The following RAB3C variants were observed in gnomAD, a reference collection of about 807,000 sequenced individuals.
RAB3C encodes the protein RAB3C, member RAS oncogene family.
In RAB3C, 17 loss-of-function variants were observed where a neutral mutation model predicts 26.4. That is an observed-to-expected ratio of 0.64 (90% CI 0.44 to 0.97). The LOEUF (loss-of-function observed/expected upper bound fraction) is 0.97. RAB3C is among the 50% of genes least tolerant of loss of function. RAB3C has a pLI of 0.00. For synonymous variants in RAB3C, 91 were observed against 95.9 expected (o/e 0.95, Z 0.30); for missense variants, 242 against 281.9 (o/e 0.86, Z 1.01).
At chr5:58,841,480 T>C (rs190151435) in intron 4 of RAB3C, among the ~76,000 whole-genome samples, 92 of 151,766 alleles carry the variant, frequency 6.1e-4, no homozygotes, top group Admixed American at 1.6e-3. Flanking sequence ...CAGAGAAGGG[T>C]GGACCCCAGA....
At chr5:58,726,236 C>G in intron 3 of RAB3C, 116 bp downstream of exon 3, 1 of 529,912 alleles carries the variant, frequency 1.9e-6, no homozygotes, top group Non-Finnish European at 3.4e-6. Context: ...CATTACACTA[C>G]AATCCCGCTT....
intron 1 of RAB3C, among the ~76,000 whole-genome samples, chr5:58,595,545 G>GAAC (rs1473116897): frequency 6.6e-6 from 1 of 152,038 alleles, no homozygotes; most frequent in African/African-American, 2.4e-5. Context: ...TATGTGTCCT[G>GAAC]GCTTCCATAT....
intron 4 of RAB3C, among the ~76,000 whole-genome samples, chr5:58,842,650 G>A (rs1579949206): frequency 6.6e-6 from 1 of 152,278 alleles, no homozygotes; most frequent in African/African-American, 2.4e-5. Context: ...CTCATCCTCT[G>A]CCTTGAGAGT....
chr5:58,733,788 A>G (rs1310073303), intron 3 of RAB3C, among the ~76,000 whole-genome samples: 1 of 152,212 alleles, frequency 6.6e-6, no homozygotes, highest in Admixed American at 6.5e-5. Context: ...CATGACCTCA[A>G]GTACCTGGCC....
chr5:58,818,004 T>A (rs527955524), intron 3 of RAB3C, among the ~76,000 whole-genome samples: 2 of 152,310 alleles, frequency 1.3e-5, no homozygotes, highest in East Asian at 3.9e-4. Context: ...GCTATTAAGA[T>A]CTGTTCGAGC....
At position 58,710,507 on chromosome 5, in the gene RAB3C, G is replaced by A. The variant is rs933549600; in HGVS notation, c.253-15495G>A. ...TCAGCTACTCAAGAGGCTGAGGCAG[G>A]AGAATTGCCTGAGTCTGGGAGGCGG... On this transcript the variant is annotated intron_variant, in intron 2 of 4. Coordinates refer to ENST00000282878, the MANE Select transcript of RAB3C (RefSeq NM_138453.4). Among the ~76,000 whole-genome samples the A allele has an allele frequency of 2.0e-5, 3 of 152,028 alleles. No homozygotes were observed. In the South Asian group the frequency reaches 6.2e-4, roughly 32 times the overall value.
intron 2 of RAB3C, among the ~76,000 whole-genome samples, chr5:58,682,283 A>C (rs1748360540): frequency 6.6e-6 from 1 of 152,030 alleles, no homozygotes; most frequent in Non-Finnish European, 1.5e-5. Flanking sequence ...AGTAAGGTCG[A>C]CTCTTATTCA....
chr5:58,718,199 C>G (rs1056981277), intron 2 of RAB3C, among the ~76,000 whole-genome samples: 1 of 151,978 alleles, frequency 6.6e-6, no homozygotes, highest in Non-Finnish European at 1.5e-5. Context: ...AGAAGGAAAG[C>G]AAAAATGATG....
chr5:58,689,765 TC>T (rs1748524021), intron 2 of RAB3C, among the ~76,000 whole-genome samples: 1 of 152,148 alleles, frequency 6.6e-6, no homozygotes. Flanking sequence ...AGGCCGTTAT[TC>T]CTGACAGCCT....
intron 3 of RAB3C, among the ~76,000 whole-genome samples, chr5:58,740,443 G>T (rs1741252069): frequency 6.6e-6 from 1 of 152,114 alleles, no homozygotes; most frequent in Non-Finnish European, 1.5e-5. Flanking sequence ...CCATGTTCAT[G>T]GGTAATTTTC....
chr5:58,834,277 C>T (rs373353807), intron 4 of RAB3C, among the ~76,000 whole-genome samples: 7 of 152,306 alleles, frequency 4.6e-5, no homozygotes, highest in South Asian at 2.1e-4. Flanking sequence ...GGGCATGCAC[C>T]CACCTTGGCT....
At chr5:58,838,616 G>A (rs567634824) in intron 4 of RAB3C, among the ~76,000 whole-genome samples, 7 of 148,642 alleles carry the variant, frequency 4.7e-5, no homozygotes, top group Admixed American at 1.4e-4. Context: ...CTAATATATG[G>A]TCAATCCTGG....
intron 3 of RAB3C, among the ~76,000 whole-genome samples, chr5:58,797,358 GTATATATATAATATATA>G (rs1561133467): frequency 8.4e-4 from 22 of 26,272 alleles, no homozygotes; most frequent in African/African-American, 4.0e-3. Flanking sequence ...AAAAAAATAT[GTATATATATAATATATA>G]TATATATATA....
intron 2 of RAB3C, among the ~76,000 whole-genome samples, chr5:58,619,444 G>A (rs433751): frequency 0.86 from 131,167 of 152,226 alleles, 56,911 homozygotes; most frequent in African/African-American, 0.96. Flanking sequence ...GATACATTTC[G>A]TATTAAGTTT....
chr5:58,840,172 T>A (rs1743847318), intron 4 of RAB3C, among the ~76,000 whole-genome samples: 1 of 151,954 alleles, frequency 6.6e-6, no homozygotes, highest in Admixed American at 6.5e-5. Flanking sequence ...TTATCTTTTT[T>A]CTTTTTTTTT....
chr5:58,765,470 T>C (rs1480478200), intron 3 of RAB3C, among the ~76,000 whole-genome samples: 1 of 152,226 alleles, frequency 6.6e-6, no homozygotes, highest in South Asian at 2.1e-4. Context: ...AAACGCATCA[T>C]GTGTAAAGAG....
chr5:58,705,242 T>C (rs935292044), intron 2 of RAB3C, among the ~76,000 whole-genome samples: 4 of 152,154 alleles, frequency 2.6e-5, no homozygotes, highest in Non-Finnish European at 4.4e-5. Context: ...ACATCTGGTA[T>C]TTTTTAAGTT....
rs529223294 is a variant in RAB3C, at chr5:58,783,748, C to T, written c.372-41290C>T. On this transcript the variant is annotated intron_variant, in intron 3 of 4. Transcript: ENST00000282878. ...CCTGAGAATGCACTGAGGTATTAAA[C>T]ATCAAACATTCTCCCTTCTTCTTTC... is the stretch of plus-strand genomic sequence containing the variant. 2.0e-5 allele frequency among the ~76,000 whole-genome samples: 3 copies of T among 152,324 alleles called. 1 individual carries two copies. Among genetic ancestry groups the T allele is most frequent in the African/African-American group, 7.2e-5 (3 of 41,590 alleles).
At chr5:58,807,506 T>C (rs1402049256) in intron 3 of RAB3C, among the ~76,000 whole-genome samples, 1 of 152,152 alleles carries the variant, frequency 6.6e-6, no homozygotes, top group Admixed American at 6.5e-5. Context: ...TTTCTCTGAG[T>C]TTGGAGTCTG....
Sources: allele counts gnomAD v4.1 joint callset (sites outside exome capture counted in the v4.1 genomes callset), GRCh38; gene constraint gnomAD v4.1.1; transcripts MANE v1.5; gene names NCBI Gene and HGNC (gene_info 2026-07-23, HGNC 2026-07-21).